Variants in TTI2 observed in about 807,000 individuals in gnomAD.
TTI2 encodes TELO2 interacting protein 2.
A neutral mutation model predicts 44.9 loss-of-function variants in TTI2; 26 were observed. The ratio of observed to expected loss-of-function variants is 0.58; its 90% CI spans 0.42 to 0.80. The LOEUF is 0.80. Ranked by LOEUF, TTI2 falls within the 30% of genes least tolerant of loss-of-function variation. The probability of loss-of-function intolerance (pLI) is 0.00; values close to 1 mark genes in which losing one functional copy is unlikely to be tolerated. For missense variants in TTI2, 582 were observed against 611.6 expected (o/e 0.95, Z 0.51); for synonymous variants, 254 against 250.9 (o/e 1.01, Z -0.12).
intron 6 of TTI2, 71 bp from the exon 7 acceptor site, chr8:33,500,561 CTG>C (rs1009010567): frequency 1.3e-6 from 2 of 1,569,696 alleles, no homozygotes; most frequent in Non-Finnish European, 1.7e-6. Flanking sequence ...ACTTCAAAGA[CTG>C]TCAAGTGGAA....
rs1210383488 is a variant in TTI2, at chr8:33,499,039, G to C, written c.*134C>G. The stretch of plus-strand genomic sequence containing the variant: ...TTTCCCTATTCTTATGGAGGTAAAA[G>C]GAAAGGAAGGAAGGAAAAAGCAGCT... On this transcript the variant is annotated 3_prime_UTR_variant, in exon 8 of 8. Transcript: ENST00000431156. 1.4e-6 allele frequency: 1 copy of C among 700,914 alleles called. No homozygotes were observed. Among genetic ancestry groups the C allele is most frequent in the East Asian group, 2.8e-5 (1 of 35,406 alleles). The allele number at this position is 700,914 out of a possible 1,614,324, so 43.4% of individuals were successfully genotyped here. A position where few individuals can be genotyped will look rare whatever the true frequency, so the allele number is the denominator to read the frequency against.
intron 1 of TTI2, 30 bp from the exon 2 acceptor site, chr8:33,512,742 T>G: frequency 3.6e-6 from 4 of 1,111,044 alleles, no homozygotes; most frequent in Non-Finnish European, 2.5e-6. Context: ...AACAGAGAGA[T>G]GTCTTGGAGG....
chr8:33,509,553 T>A (rs2128830410), intron 3 of TTI2, among the ~76,000 whole-genome samples, 193 bp downstream of exon 3: 1 of 152,266 alleles, frequency 6.6e-6, no homozygotes, highest in Non-Finnish European at 1.5e-5. Flanking sequence ...GCCTTCCTGT[T>A]TCTTCTATAA....
chr8:33,509,132 C>CAAAAAAAAA (rs751009227), intron 3 of TTI2, among the ~76,000 whole-genome samples: 2 of 97,084 alleles, frequency 2.1e-5, no homozygotes, highest in Non-Finnish European at 4.0e-5. Flanking sequence ...GATAATGTCT[C>CAAAAAAAAA]AAAAAAAAAA....
intron 4 of TTI2, among the ~76,000 whole-genome samples, chr8:33,504,897 G>A (rs2128828531): frequency 6.6e-6 from 1 of 152,210 alleles, no homozygotes; most frequent in South Asian, 2.1e-4. Context: ...TTACAATCTG[G>A]ATTCTCAATA....
chr8:33,510,951 T>C (rs995414928), intron 2 of TTI2, among the ~76,000 whole-genome samples: 3 of 152,158 alleles, frequency 2.0e-5, no homozygotes, highest in Admixed American at 1.3e-4. Flanking sequence ...TAGTCATCCT[T>C]CTCTAACAAG....
chr8:33,512,075 A>G lies in TTI2; in HGVS notation c.539T>C (p.Leu180Pro), dbSNP rs765235179. 1.2e-5 allele frequency: 20 copies of G among 1,613,970 alleles called. No homozygotes were observed. Among genetic ancestry groups the G allele is most frequent in the Non-Finnish European group, 1.6e-5 (19 of 1,180,018 alleles). The change falls in exon 2 of 8, where the codon CTT (leucine) becomes CCT (proline). Residue 180 changes from leucine to proline, a missense_variant. Physicochemically the swap from Leu to Pro is moderately conservative, Grantham distance 98 (BLOSUM62 -3). Coordinates refer to ENST00000431156, the MANE Select transcript of TTI2 (RefSeq NM_001102401.4). The part of the protein sequence containing the change: ...EVAREVLTSL[L>P]QVTECGSVAG... ...CACAGAACCGCATTCAGTAACTTGA[A>G]GCAGTGAGGTGAGCACCTCCCTAGC...
chr8:33,502,995 G>A (rs1421537118), intron 6 of TTI2, among the ~76,000 whole-genome samples: 2 of 151,680 alleles, frequency 1.3e-5, no homozygotes, highest in Non-Finnish European at 2.9e-5. Flanking sequence ...CGGGCCTGGC[G>A]GTGGGCGCCT....
chr8:33,510,015 CAG>C, intron 2 of TTI2, 83 bp from the exon 3 acceptor site: 1 of 1,098,412 alleles, frequency 9.1e-7, no homozygotes, highest in Non-Finnish European at 1.3e-6. Context: ...TCAAGCTAAA[CAG>C]AGTATTTTCA....
chr8:33,507,454 G>T, intron 3 of TTI2, 133 bp from the exon 4 acceptor site: 1 of 776,566 alleles, frequency 1.3e-6, no homozygotes. Context: ...ATTGTTTCGA[G>T]TTGAAAATAT....
At position 33,512,495 on chromosome 8, in the gene TTI2, G is replaced by A. The variant is rs750784998; in HGVS notation, c.119C>T (p.Pro40Leu). ...FSKILHCLAR[P>L]EARRGNVKDA... ...TTTTACATTGCCTCGTCGTGCCTCCGGGCGGGCAAGACAGTGTAAAATCTT... is the reference window on the plus strand; with the variant it reads ...TTTTACATTGCCTCGTCGTGCCTCCAGGCGGGCAAGACAGTGTAAAATCTT... The change falls in exon 2 of 8, where the codon CCG becomes CTG. Residue 40 changes from proline to leucine, a missense_variant. Pro to Leu is a moderately conservative substitution (Grantham distance 98, BLOSUM62 -3). Coordinates refer to ENST00000431156, the MANE Select transcript of TTI2 (RefSeq NM_001102401.4). 5 of 1,613,964 alleles carry A rather than the reference G, an allele frequency of 3.1e-6. No individual in the cohort carries two copies. The highest frequency in any genetic ancestry group is 2.7e-5 in the African/African-American group (2 of 74,872).
chr8:33,503,128 C>CAAAAAA (rs397973510), intron 6 of TTI2, among the ~76,000 whole-genome samples: 27 of 47,280 alleles, frequency 5.7e-4, no homozygotes, highest in African/African-American at 1.3e-3. Flanking sequence ...GACTCCATTT[C>CAAAAAA]AAAAAAAAAA....
chr8:33,503,768 G>A lies in TTI2; in HGVS notation c.1095C>T (p.Asn365=), dbSNP rs779209041. Residue 365 remains asparagine (N), a synonymous_variant, in exon 5 of 8, where the codon AAC becomes AAT. Transcript: ENST00000431156. ...CTCACCTGTTCACGAAAGCCGGCAG[G>A]TTTCTTGCGTAGGTCCTGCGTAAAA... ...RLLLRRTYAR[N]LPAFVNRLGI... 3 of 1,613,880 alleles carry A rather than the reference G, an allele frequency of 1.9e-6. No homozygotes were observed. Among genetic ancestry groups the A allele is most frequent in the Non-Finnish European group, 2.5e-6 (3 of 1,179,986 alleles).
Position 33,499,081 on chromosome 8 carries a change from C to G in TTI2, c.*92G>C. ...AAAGCAGCTTTCACTTACAAAGTTTCGTGTAAAAATATCTTTTTTTCTTAA... is the reference window on the plus strand; with the variant it reads ...AAAGCAGCTTTCACTTACAAAGTTTGGTGTAAAAATATCTTTTTTTCTTAA... On this transcript the variant is annotated 3_prime_UTR_variant, in exon 8 of 8. Coordinates refer to ENST00000431156, the MANE Select transcript of TTI2 (RefSeq NM_001102401.4). The G allele has an allele frequency of 9.3e-7, 1 of 1,075,932 alleles. No homozygotes were observed. Among genetic ancestry groups the G allele is most frequent in the South Asian group, 1.3e-5 (1 of 74,974 alleles). 66.6% of individuals were successfully genotyped at this position (1,075,932 alleles called of 1,614,324 possible). A position where few individuals can be genotyped will look rare whatever the true frequency, so the allele number is the denominator to read the frequency against.
rs991542780 is a variant in TTI2 at position 33,503,182 on chromosome 8, G to A, written c.1259+247C>T. On this transcript the variant is annotated intron_variant, in intron 6 of 7. Coordinates refer to ENST00000431156, the MANE Select transcript of TTI2 (RefSeq NM_001102401.4). ...ATATACTAGAGTTTCAAAGAGAAGC[G>A]ATTTAACTGTCAGAATCTGGAACTG... 8.1e-5 allele frequency among the ~76,000 whole-genome samples: 7 copies of A among 86,806 alleles called. No homozygotes were observed. The East Asian group carries it at 2.1e-3, about 25-fold the overall frequency. The allele number at this position is 86,806 out of a possible 152,430, so 56.9% of individuals were successfully genotyped here.
chr8:33,508,644 AG>A (rs953424231), intron 3 of TTI2, among the ~76,000 whole-genome samples: 3 of 137,764 alleles, frequency 2.2e-5, no homozygotes, highest in Non-Finnish European at 3.2e-5. Context: ...AAAAAAGGGC[AG>A]GGGGGCAGGG....
intron 4 of TTI2, among the ~76,000 whole-genome samples, chr8:33,504,142 A>G (rs1451673910): frequency 6.6e-6 from 1 of 152,094 alleles, no homozygotes; most frequent in East Asian, 1.9e-4. Flanking sequence ...GTCTCAAATC[A>G]ATACATTCTC....
chr8:33,507,368 T>C, intron 3 of TTI2, 47 bp from the exon 4 acceptor site: 1 of 1,528,540 alleles, frequency 6.5e-7, no homozygotes, highest in Non-Finnish European at 9.0e-7. Context: ...TTCCCAAGAT[T>C]GGCACATGTT....
intron 3 of TTI2, 63 bp from the exon 4 acceptor site, chr8:33,507,384 T>C: frequency 1.4e-6 from 2 of 1,436,314 alleles, no homozygotes; most frequent in Non-Finnish European, 1.9e-6. Flanking sequence ...ATGTTGACTA[T>C]CTTTGAAATT....
Sources: allele counts gnomAD v4.1 joint callset (sites outside exome capture counted in the v4.1 genomes callset), GRCh38; gene constraint gnomAD v4.1.1; transcripts MANE v1.5; gene names NCBI Gene and HGNC (gene_info 2026-07-23, HGNC 2026-07-21).